The following PI4KA variants were observed in gnomAD, a reference collection of about 807,000 sequenced individuals.
The protein encoded by PI4KA is PI4-kinase alpha.
PI4KA carries 122 observed loss-of-function variants against 271.4 expected under a neutral mutation model. The observed-to-expected ratio is 0.45, with a 90% CI of 0.39 to 0.52. PI4KA has a LOEUF of 0.52. Among genes scored for constraint, PI4KA ranks in the 20% least tolerant of loss-of-function variants. The probability of loss-of-function intolerance (pLI) is 0.00; values close to 1 mark genes in which losing one functional copy is unlikely to be tolerated. For synonymous variants in PI4KA, 1,041 were observed against 1,078.8 expected, an observed-to-expected ratio of 0.96 and a Z score of 0.69; for missense variants, 1,969 against 2,769.1, an observed-to-expected ratio of 0.71 and a Z score of 6.48.
In PI4KA at chr22:20,717,719, T is replaced by C. The variant is rs2845533; in HGVS notation, c.5306A>G (p.Lys1769Arg). 4 of 1,576,912 alleles carry C rather than the reference T, an allele frequency of 2.5e-6. No homozygotes were observed. In the African/African-American group the frequency reaches 4.1e-5, roughly 16 times the overall value. ...KACLSALSEVKVQPGCYLPSN... is the reference protein window; with the variant it reads ...KACLSALSEVRVQPGCYLPSN... ...AGCCACCTGCTCACCCGGCTGCACC[T>C]TCACTTCAGACAGGGCCGACAGACA... The change falls in exon 45 of 55, where the codon AAG becomes AGG. Residue 1769 changes from lysine to arginine, a missense_variant. This residue lies in a region of PI4KA where 388 missense variants were observed against 521.5 expected (regional missense o/e 0.74). Transcript: ENST00000255882.
At chr22:20,844,983 T>C (rs373375136) in intron 1 of PI4KA, among the ~76,000 whole-genome samples, 1 of 151,774 alleles carries the variant, frequency 6.6e-6, no homozygotes, top group Non-Finnish European at 1.5e-5. Context: ...TTAGGGGGAG[T>C]GGGTCATTAT....
intron 19 of PI4KA, among the ~76,000 whole-genome samples, chr22:20,782,434 T>C (rs1933871001): frequency 6.6e-6 from 1 of 152,244 alleles, no homozygotes; most frequent in South Asian, 2.1e-4. Flanking sequence ...TCATGGATGC[T>C]TCTCAAAGGG....
chr22:20,757,533 T>C (rs1931441409), intron 23 of PI4KA, among the ~76,000 whole-genome samples: 2 of 151,870 alleles, frequency 1.3e-5, no homozygotes, highest in Admixed American at 6.6e-5. Context: ...GCTGGCAAAA[T>C]CTGCTAGGTT....
At chr22:20,790,741 C>CACAA (rs1555896182) in intron 19 of PI4KA, among the ~76,000 whole-genome samples, 3 of 130,354 alleles carry the variant, frequency 2.3e-5, no homozygotes, top group East Asian at 2.3e-4. Flanking sequence ...CACACACACA[C>CACAA]AACAAAAAAA....
intron 9 of PI4KA, among the ~76,000 whole-genome samples, chr22:20,808,874 G>A (rs369323491): frequency 6.6e-6 from 1 of 151,978 alleles, no homozygotes; most frequent in Non-Finnish European, 1.5e-5. Flanking sequence ...GTATAAAAGT[G>A]GTCTGCAAAT....
At position 20,817,734 on chromosome 22, in the gene PI4KA, C is replaced by CA. The variant is rs361731; in HGVS notation, c.856+748dup. Among the ~76,000 whole-genome samples the CA allele has an allele frequency of 2.4e-3, 33 of 13,970 alleles. 12 individuals are homozygous for CA. Among genetic ancestry groups the CA allele is most frequent in the East Asian group, 6.0e-3 (2 of 332 alleles). The allele number at this position is 13,970 out of a possible 152,430, so 9.2% of individuals were successfully genotyped here. ...GGGTGGCAGAGTGAGACTCTCTCTC[C>CA]AAAAAAAAAAAAAAAAAAAAAAAAA... On this transcript the variant is annotated intron_variant, in intron 7 of 54. Transcript: ENST00000255882.
chr22:20,812,549 G>T (rs147687638), intron 8 of PI4KA, among the ~76,000 whole-genome samples: 1 of 151,934 alleles, frequency 6.6e-6, no homozygotes, highest in South Asian at 2.1e-4. Context: ...AGGGCCCCTG[G>T]ATCTTTATTT....
At chr22:20,743,083 G>C (rs1929653809) in intron 30 of PI4KA, among the ~76,000 whole-genome samples, 1 of 152,194 alleles carries the variant, frequency 6.6e-6, no homozygotes, top group African/African-American at 2.4e-5. Context: ...GGGACTGCAT[G>C]AATGTGAGCT....
chr22:20,750,221 C>A (rs558917262), intron 27 of PI4KA, among the ~76,000 whole-genome samples: 3 of 152,172 alleles, frequency 2.0e-5, no homozygotes, highest in Admixed American at 1.3e-4. Context: ...TCCTTCCTTA[C>A]GTGTGTGCAG....
chr22:20,799,776 A>T lies in PI4KA; in HGVS notation c.1725-10T>A. On this transcript the variant is annotated splice_polypyrimidine_tract_variant and intron_variant, in intron 14 of 54. Transcript: ENST00000255882. ...TCCAGCCTTCAGGCACCTGAGGAGC[A>T]AGAAAACCCATGTGGCACTGAGGCA... 3.9e-6 allele frequency: 6 copies of T among 1,535,750 alleles called. No individual in the cohort carries two copies. Among genetic ancestry groups the T allele is most frequent in the Non-Finnish European group, 5.3e-6 (6 of 1,133,886 alleles).
rs1270698907 is a variant in PI4KA, at chr22:20,721,408, A to G, written c.5006T>C (p.Val1669Ala). ...QALRYDKMGY[V>A]REYILWAASK... is the part of the protein sequence containing the mutation. Reference sequence around the variant, plus strand: ...CGCTGCCCACAGAATATACTCCCGCACATAGCCCATCTGCAGGAGAGCAAG... The same window carrying G: ...CGCTGCCCACAGAATATACTCCCGCGCATAGCCCATCTGCAGGAGAGCAAG... The change falls in exon 43 of 55, where the codon GTG becomes GCG. Residue 1669 changes from valine (V) to alanine (A), a missense_variant. Val to Ala is a moderately conservative substitution (Grantham distance 64). This residue lies in a region of PI4KA where 388 missense variants were observed against 521.5 expected (regional missense o/e 0.74). Transcript: ENST00000255882. 18 of 1,613,756 alleles carry G rather than the reference A, an allele frequency of 1.1e-5. No individual in the cohort carries two copies. The highest frequency in any genetic ancestry group is 1.4e-5 in the Non-Finnish European group (17 of 1,180,022).
At position 20,711,356 on chromosome 22, in the gene PI4KA, G is replaced by A. The variant is rs772551031; in HGVS notation, c.5908C>T (p.His1970Tyr). The A allele has an allele frequency of 7.2e-7, 1 of 1,379,588 alleles. No homozygotes were observed. Among genetic ancestry groups the A allele is most frequent in the Non-Finnish European group, 1.0e-6 (1 of 1,002,428 alleles). 85.5% of individuals were successfully genotyped at this position (1,379,588 alleles called of 1,614,324 possible). ...GCTGGCTGACCGATGTGGATGATAT[G>A]ACCCTTCTTGTCCAGCATAATGTTG... is the stretch of plus-strand genomic sequence containing the variant. Reference protein sequence around the residue: ...NGNIMLDKKGHIIHIDFGFMF... With the variant: ...NGNIMLDKKGYIIHIDFGFMF... The change falls in exon 51 of 55, where the codon CAT becomes TAT. Residue 1970 changes from histidine to tyrosine, a missense_variant. His to Tyr is a moderately conservative substitution (Grantham distance 83). This residue lies in a region of PI4KA where 110 missense variants were observed against 349.8 expected (regional missense o/e 0.31). Coordinates refer to ENST00000255882, the MANE Select transcript of PI4KA (RefSeq NM_058004.4).
chr22:20,795,716 A>G (rs187159017), intron 18 of PI4KA, among the ~76,000 whole-genome samples: 13 of 152,296 alleles, frequency 8.5e-5, no homozygotes, highest in Admixed American at 5.2e-4. Context: ...TTATCTCAGT[A>G]GACCTGTCTT....
At chr22:20,821,540 A>C (rs924521070) in intron 4 of PI4KA, among the ~76,000 whole-genome samples, 1 of 151,018 alleles carries the variant, frequency 6.6e-6, no homozygotes, top group African/African-American at 2.4e-5. Context: ...TAAGTTAAGA[A>C]ATTTTTTTTT....
chr22:20,830,769 T>C (rs1924055089), intron 3 of PI4KA, among the ~76,000 whole-genome samples: 1 of 152,064 alleles, frequency 6.6e-6, no homozygotes. Flanking sequence ...TTTGTTATTG[T>C]TGTTGTTTGT....
At chr22:20,739,439 G>A (rs907732544) in intron 32 of PI4KA, among the ~76,000 whole-genome samples, 3 of 149,584 alleles carry the variant, frequency 2.0e-5, no homozygotes. Context: ...TTTGACGTCA[G>A]CCTGGGCAAC....
At chr22:20,857,208 A>T (rs1370870280) in intron 1 of PI4KA, among the ~76,000 whole-genome samples, 1 of 152,232 alleles carries the variant, frequency 6.6e-6, no homozygotes, top group African/African-American at 2.4e-5. Context: ...ACCTGTCTAG[A>T]GTCACACTAG....
At chr22:20,829,422 G>C (rs979019357) in intron 3 of PI4KA, among the ~76,000 whole-genome samples, 9 of 151,994 alleles carry the variant, frequency 5.9e-5, no homozygotes, top group Admixed American at 3.3e-4. Context: ...ATTTCTTCTA[G>C]GTTTTCTGGC....
intron 10 of PI4KA, among the ~76,000 whole-genome samples, 170 bp from the exon 11 acceptor site, chr22:20,805,335 T>C (rs35585050): frequency 0.025 from 3,754 of 152,196 alleles, 55 homozygotes; most frequent in Non-Finnish European, 0.039. Flanking sequence ...TGGATAGGAA[T>C]TGCACAGCTG....
Sources: gnomAD v4.1 joint callset for allele counts (sites outside exome capture counted in the v4.1 genomes callset) on GRCh38, gnomAD v4.1.1 for gene constraint, gnomAD v4.1.1 regional missense constraint, MANE v1.5 for transcripts, NCBI Gene and HGNC (gene_info 2026-07-23, HGNC 2026-07-21) for gene names.